Variants in CACNA1C observed in about 807,000 individuals in gnomAD.
The protein encoded by CACNA1C is voltage-dependent L-type calcium channel subunit alpha-1C.
CACNA1C carries 30 observed loss-of-function variants against 229.0 expected under a neutral mutation model. The observed-to-expected ratio is 0.13, with a 90% CI of 0.10 to 0.18. CACNA1C has a LOEUF of 0.18. Ranked by LOEUF, CACNA1C falls within the 10% of genes least tolerant of loss-of-function variation. The pLI is 1.00. For synonymous variants in CACNA1C, 1,114 were observed against 1,132.5 expected (o/e 0.98, Z 0.33); for missense variants, 1,658 against 2,845.0 (o/e 0.58, Z 9.49).
intron 5 of CACNA1C, among the ~76,000 whole-genome samples, chr12:2,481,042 C>A (rs1237823415): frequency 6.6e-6 from 1 of 152,228 alleles, no homozygotes; most frequent in East Asian, 1.9e-4. Context: ...TTAAGAGGAG[C>A]CTTGAATCAG....
rs184011331 is a variant in CACNA1C at position 2,301,951 on chromosome 12, G to C, written c.478-147025G>C. On this transcript the variant is annotated intron_variant, in intron 3 of 46. Transcript: ENST00000399655. Reference sequence around the variant, plus strand: ...TTGAATGAACTATCAGTGTGGTTGCGAGGCTATTTTGAAGACATTTTAGAT... The same window carrying C: ...TTGAATGAACTATCAGTGTGGTTGCCAGGCTATTTTGAAGACATTTTAGAT... Among the ~76,000 whole-genome samples, 173 of 152,330 alleles carry C rather than the reference G, an allele frequency of 1.1e-3. 1 individual carries two copies. Among genetic ancestry groups the C allele is most frequent in the Non-Finnish European group, 4.0e-4 (27 of 68,034 alleles).
At position 2,639,488 on chromosome 12, in the gene CACNA1C, A is replaced by G. The variant is rs1317579334; in HGVS notation, c.3912+5108A>G. On this transcript the variant is annotated intron_variant, in intron 30 of 46. Transcript: ENST00000399655. This position sits in a 1 kb window ranked among gnomAD's most constrained non-coding sequence, Gnocchi z 4.2. The stretch of plus-strand genomic sequence containing the variant: ...ATTCCTGCATTATGGACATAGAGAA[A>G]CATTCCCAAGTTGTCAATGAAGAAG... 6.6e-6 allele frequency among the ~76,000 whole-genome samples: 1 copy of G among 152,140 alleles called. No individual in the cohort carries two copies. Among genetic ancestry groups the G allele is most frequent in the Admixed American group, 6.6e-5 (1 of 15,266 alleles).
chr12:2,545,212 A>ATTTTTTTTTTTTTTTT (rs56971243), intron 9 of CACNA1C, among the ~76,000 whole-genome samples: 1 of 131,642 alleles, frequency 7.6e-6, no homozygotes. Flanking sequence ...CAAAACAATG[A>ATTTTTTTTTTTTTTTT]TTTTTTTTTT....
chr12:2,405,560 A>C (rs1229931970), intron 3 of CACNA1C, among the ~76,000 whole-genome samples: 2 of 151,932 alleles, frequency 1.3e-5, no homozygotes, highest in Non-Finnish European at 2.9e-5. Flanking sequence ...ATTTTTATCT[A>C]CCTCTAGTGT....
intron 1 of CACNA1C, among the ~76,000 whole-genome samples, chr12:2,033,132 C>T (rs1215307351): frequency 1.3e-5 from 2 of 152,156 alleles, no homozygotes; most frequent in African/African-American, 4.8e-5. Flanking sequence ...CTGGCCATTC[C>T]ACTTCCAGAG....
chr12:2,605,601 GCTGC>G lies in CACNA1C; in HGVS notation c.3049-76_3049-73del. ...AATTACTCCCCGTTGTGGCAAACGGGCTGCCCCTGCTACCTCCTGGAAAGGCTCC... is the reference window on the plus strand; with the variant it reads ...AATTACTCCCCGTTGTGGCAAACGGGCCCTGCTACCTCCTGGAAAGGCTCC... On this transcript the variant is annotated intron_variant, in intron 23 of 46. Coordinates refer to ENST00000399655, the MANE Select transcript of CACNA1C (RefSeq NM_000719.7). The surrounding 1 kb of genome is among the most constrained non-coding windows in gnomAD (Gnocchi z 6.2). 1 of 1,025,598 alleles carries G rather than the reference GCTGC, an allele frequency of 9.8e-7. No homozygotes were observed. Among genetic ancestry groups the G allele is most frequent in the Non-Finnish European group, 1.5e-6 (1 of 650,276 alleles). 63.5% of individuals were successfully genotyped at this position (1,025,598 alleles called of 1,614,324 possible).
rs898566463 is a variant in CACNA1C at position 1,971,837 on chromosome 12, T to G, written c.139+636T>G. Among the ~76,000 whole-genome samples, 23 of 152,382 alleles carry G rather than the reference T, an allele frequency of 1.5e-4. No homozygotes were observed. In the Middle Eastern group the frequency reaches 0.01, roughly 68 times the overall value. On this transcript the variant is annotated intron_variant, in intron 1 of 46. Coordinates refer to the CACNA1C transcript ENST00000682462. This position sits in a 1 kb window ranked among gnomAD's most constrained non-coding sequence, Gnocchi z 4.2. ...GTTTGATCTGTTCTTTTAAGATATT[T>G]ATAATTTGTTTTATATTTTTACCCA... is the stretch of plus-strand genomic sequence containing the variant.
intron 3 of CACNA1C, among the ~76,000 whole-genome samples, chr12:2,179,609 A>T (rs1236736320): frequency 6.6e-6 from 1 of 152,222 alleles, no homozygotes; most frequent in African/African-American, 2.4e-5. Flanking sequence ...CTGCTAGAAT[A>T]TTGGCTCCAG....
Position 1,996,656 on chromosome 12 carries a change from C to CA in CACNA1C, c.139+25457dup, listed in dbSNP as rs1349356918. On this transcript the variant is annotated intron_variant, in intron 1 of 46. Coordinates refer to the CACNA1C transcript ENST00000682462. Reference sequence around the variant, plus strand: ...AAAAAAAAAAAAAAAAAAAAAAAAACAACAAACTCTTCTAATGTTTTAAAG... The same window carrying CA: ...AAAAAAAAAAAAAAAAAAAAAAAAACAAACAAACTCTTCTAATGTTTTAAAG... 5.5e-4 allele frequency among the ~76,000 whole-genome samples: 30 copies of CA among 54,606 alleles called. 3 individuals carry two copies. The highest frequency in any genetic ancestry group is 1.2e-3 in the African/African-American group (14 of 11,260). 35.8% of individuals were successfully genotyped at this position (54,606 alleles called of 152,430 possible). A position where few individuals can be genotyped will look rare whatever the true frequency, so the allele number is the denominator to read the frequency against.
chr12:2,052,492 C>G (rs868763240), upstream of CACNA1C, among the ~76,000 whole-genome samples: 1 of 151,812 alleles, frequency 6.6e-6, no homozygotes, highest in Non-Finnish European at 1.5e-5. Flanking sequence ...GAGGCCTTCC[C>G]GGCGTGGCCG....
rs58922699 is a variant in CACNA1C, at chr12:2,041,270, C to CTTTTTTTTT, written c.139+70085_139+70093dup. Among the ~76,000 whole-genome samples, 27 of 90,998 alleles carry CTTTTTTTTT rather than the reference C, an allele frequency of 3.0e-4. 2 individuals carry two copies. Among genetic ancestry groups the CTTTTTTTTT allele is most frequent in the African/African-American group, 8.0e-4 (19 of 23,892 alleles). The allele number at this position is 90,998 out of a possible 152,430, so 59.7% of individuals were successfully genotyped here. On this transcript the variant is annotated intron_variant, in intron 1 of 46. Transcript: ENST00000682462. Reference sequence around the variant, plus strand: ...GGGTCACAGTGATGCTAAGGGTATTCTTTTTTTTTTTTTTTTTTTTTTTTG... The same window carrying CTTTTTTTTT: ...GGGTCACAGTGATGCTAAGGGTATTCTTTTTTTTTTTTTTTTTTTTTTTTTTTTTTTTTG...
chr12:2,349,351 G>A (rs1345779282), intron 3 of CACNA1C, among the ~76,000 whole-genome samples: 1 of 152,198 alleles, frequency 6.6e-6, no homozygotes, highest in Non-Finnish European at 1.5e-5. Flanking sequence ...TTCTAACTGG[G>A]TATGGAATTT....
intron 3 of CACNA1C, among the ~76,000 whole-genome samples, chr12:2,444,347 C>T (rs2099257140): frequency 6.6e-6 from 1 of 152,136 alleles, no homozygotes; most frequent in African/African-American, 2.4e-5. Flanking sequence ...CTCTCCCAGA[C>T]TTCATGATTT....
intron 4 of CACNA1C, 37 bp from the exon 5 acceptor site, chr12:2,457,530 C>T (rs760609484): frequency 1.3e-6 from 2 of 1,590,268 alleles, no homozygotes; most frequent in East Asian, 2.3e-5. Flanking sequence ...AAAGAAAACC[C>T]AGTCCTGACA....
At chr12:2,073,100 G>T (rs2061952783) in intron 1 of CACNA1C, among the ~76,000 whole-genome samples, 1 of 152,212 alleles carries the variant, frequency 6.6e-6, no homozygotes, top group African/African-American at 2.4e-5. Flanking sequence ...CGTTTGAGAA[G>T]TGAGTGAATC....
At chr12:2,578,581 G>A (rs1026950210) in intron 13 of CACNA1C, among the ~76,000 whole-genome samples, 1 of 152,150 alleles carries the variant, frequency 6.6e-6, no homozygotes, top group African/African-American at 2.4e-5. Context: ...GGTGGGAAGT[G>A]GCCAAAGTCA....
chr12:2,377,832 T>C (rs2154544079), intron 3 of CACNA1C, among the ~76,000 whole-genome samples: 1 of 152,322 alleles, frequency 6.6e-6, no homozygotes, highest in Admixed American at 6.5e-5. Context: ...TGCTTCTCCA[T>C]GATTTCTGAA....
At chr12:2,596,822 C>A (rs1218238973) in intron 20 of CACNA1C, among the ~76,000 whole-genome samples, 1 of 152,156 alleles carries the variant, frequency 6.6e-6, no homozygotes, top group Non-Finnish European at 1.5e-5. Flanking sequence ...GTGAGCGAAG[C>A]ATTTTGAATC....
At chr12:2,390,001 C>T (rs963619041) in intron 3 of CACNA1C, among the ~76,000 whole-genome samples, 3 of 152,160 alleles carry the variant, frequency 2.0e-5, no homozygotes, top group Non-Finnish European at 4.4e-5. Flanking sequence ...TTTATTATAG[C>T]ATCTCTCAAG....
Sources: gnomAD v4.1 joint callset for allele counts (sites outside exome capture counted in the v4.1 genomes callset) on GRCh38, gnomAD v4.1.1 for gene constraint, Gnocchi (gnomAD v3.1) non-coding constraint, MANE v1.5 for transcripts, NCBI Gene and HGNC (gene_info 2026-07-23, HGNC 2026-07-21) for gene names.